Variants in DNAH10 observed in about 807,000 individuals in gnomAD.
The protein encoded by DNAH10 is axonemal beta dynein heavy chain 10.
In DNAH10, 348 loss-of-function variants were observed where a neutral mutation model predicts 506.6. That is an observed-to-expected ratio of 0.69 (90% CI 0.63 to 0.75). DNAH10 has a LOEUF of 0.75. Among genes scored for constraint, DNAH10 ranks in the 30% least tolerant of loss-of-function variants. The pLI, the probability that DNAH10 is intolerant of heterozygous loss-of-function variation, is 0.00. For synonymous variants in DNAH10, 2,059 were observed against 2,198.6 expected (o/e 0.94, Z 1.78); for missense variants, 5,179 against 5,787.1 (o/e 0.89, Z 3.41).
At chr12:123,886,494 C>G (rs973906272) in intron 51 of DNAH10, among the ~76,000 whole-genome samples, 1 of 150,924 alleles carries the variant, frequency 6.6e-6, no homozygotes, top group African/African-American at 2.4e-5. Flanking sequence ...TGTGTGCACA[C>G]GTGTGTGTGT....
chr12:123,861,935 T>C (rs999037596), intron 39 of DNAH10, among the ~76,000 whole-genome samples: 1 of 152,236 alleles, frequency 6.6e-6, no homozygotes, highest in African/African-American at 2.4e-5. Context: ...CATTCTTTAA[T>C]TTTGAGCAGT....
chr12:123,860,333 GC>G (rs777161370), intron 38 of DNAH10, among the ~76,000 whole-genome samples: 44 of 152,350 alleles, frequency 2.9e-4, no homozygotes, highest in Non-Finnish European at 3.5e-4. Flanking sequence ...AGTGGGCTGT[GC>G]CGTGGCCATC....
intron 37 of DNAH10, among the ~76,000 whole-genome samples, chr12:123,857,700 C>A (rs1223628313): frequency 6.6e-6 from 1 of 152,072 alleles, no homozygotes; most frequent in Non-Finnish European, 1.5e-5. Context: ...TGCACTCCAG[C>A]CTGGTGAGAG....
intron 15 of DNAH10, 29 bp from the exon 16 acceptor site, chr12:123,801,252 C>T (rs1210311635): frequency 7.5e-6 from 12 of 1,606,128 alleles, no homozygotes; most frequent in Non-Finnish European, 1.7e-6. Context: ...GTGCTCTCCT[C>T]AGGTTTATGA....
chr12:123,789,994 T>A lies in DNAH10; in HGVS notation c.1688T>A (p.Ile563Asn). The stretch of plus-strand genomic sequence containing the variant: ...GCAGTGACGGGGGACCCCAAGCGCA[T>A]TGATGATGTCCTATGCAGAGTGGAC... ...LKAVTGDPKRIDDVLCRVDGL... is the reference protein window; with the variant it reads ...LKAVTGDPKRNDDVLCRVDGL... Residue 563 changes from isoleucine to asparagine, a missense_variant, in exon 11 of 79, where the codon ATT becomes AAT. Ile to Asn is a moderately radical substitution (Grantham distance 149, BLOSUM62 -3). Coordinates refer to ENST00000673944, the MANE Select transcript of DNAH10 (RefSeq NM_001372106.1). 6.2e-7 allele frequency: 1 copy of A among 1,614,164 alleles called. No homozygotes were observed. Among genetic ancestry groups the A allele is most frequent in the Non-Finnish European group, 8.5e-7 (1 of 1,180,022 alleles).
chr12:123,854,743 A>G (rs777928955), intron 36 of DNAH10, among the ~76,000 whole-genome samples: 4 of 152,220 alleles, frequency 2.6e-5, no homozygotes, highest in Non-Finnish European at 4.4e-5. Context: ...TCTTTATCAC[A>G]TTAAAAGTTT....
intron 1 of DNAH10, among the ~76,000 whole-genome samples, chr12:123,766,808 T>C (rs962505506): frequency 1.3e-5 from 2 of 152,120 alleles, no homozygotes; most frequent in African/African-American, 4.8e-5. Context: ...GGCAATTCCA[T>C]AGAAAAAAGT....
chr12:123,819,700 GTTTTTTTT>G, intron 23 of DNAH10, among the ~76,000 whole-genome samples: 2 of 101,848 alleles, frequency 2.0e-5, no homozygotes, highest in Middle Eastern at 5.9e-3. Context: ...CTAAAATTCT[GTTTTTTTT>G]TTTTTTTTTT....
intron 64 of DNAH10, 31 bp from the exon 65 acceptor site, chr12:123,918,645 T>A: frequency 6.5e-7 from 1 of 1,531,776 alleles, no homozygotes; most frequent in Non-Finnish European, 8.8e-7. Flanking sequence ...TCAGTCTTCC[T>A]GTTTCCAGGG....
At position 123,913,966 on chromosome 12, in the gene DNAH10, T is replaced by A. The variant is rs1317801630; in HGVS notation, c.10353-363T>A. 2.0e-5 allele frequency among the ~76,000 whole-genome samples: 3 copies of A among 152,244 alleles called. No individual in the cohort carries two copies. The highest frequency in any genetic ancestry group is 6.5e-5 in the Admixed American group (1 of 15,282). ...TTCTTTTATCTTGGGTGGAATTCTG[T>A]CATTGAGTGAGGCCAGAACTTGTTA... On this transcript the variant is annotated intron_variant, in intron 60 of 78. Coordinates refer to ENST00000673944, the MANE Select transcript of DNAH10 (RefSeq NM_001372106.1). This position sits in a 1 kb window ranked among gnomAD's most constrained non-coding sequence, Gnocchi z 5.1.
At chr12:123,832,182 A>G (rs1960629089) in intron 26 of DNAH10, among the ~76,000 whole-genome samples, 1 of 152,208 alleles carries the variant, frequency 6.6e-6, no homozygotes, top group South Asian at 2.1e-4. Context: ...TGTACCTAAT[A>G]TACACACGTA....
intron 17 of DNAH10, 108 bp from the exon 18 acceptor site, chr12:123,804,725 A>G: frequency 2.0e-6 from 2 of 995,106 alleles, no homozygotes; most frequent in Non-Finnish European, 1.5e-6. Flanking sequence ...CTGAGGTTGG[A>G]GGCTGGTTTT....
At position 123,850,607 on chromosome 12, in the gene DNAH10, C is replaced by A. The variant is rs1311243633; in HGVS notation, c.6103-281C>A. Among the ~76,000 whole-genome samples the A allele has an allele frequency of 6.6e-6, 1 of 152,214 alleles. No individual in the cohort carries two copies. The highest frequency in any genetic ancestry group is 1.5e-5 in the Non-Finnish European group (1 of 68,036). ...CTGAGGGTCACACAGCTTCTTGTAT[C>A]AGCCCCAGACTCTGTGCTTCGCCAA... On this transcript the variant is annotated intron_variant, in intron 34 of 78. Coordinates refer to ENST00000673944, the MANE Select transcript of DNAH10 (RefSeq NM_001372106.1). This position sits in a 1 kb window ranked among gnomAD's most constrained non-coding sequence, Gnocchi z 5.5.
chr12:123,775,239 G>C (rs1015189277), intron 5 of DNAH10, among the ~76,000 whole-genome samples: 1 of 152,122 alleles, frequency 6.6e-6, no homozygotes, highest in Non-Finnish European at 1.5e-5. Flanking sequence ...CTCCTGAGTG[G>C]CTGGGATTAC....
At chr12:123,821,993 G>A (rs1959460596) in intron 24 of DNAH10, among the ~76,000 whole-genome samples, 3 of 152,152 alleles carry the variant, frequency 2.0e-5, no homozygotes, top group Admixed American at 6.5e-5. Flanking sequence ...ATCACTTGAG[G>A]CCAGGAGTTC....
intron 48 of DNAH10, 106 bp from the exon 49 acceptor site, chr12:123,879,158 G>A (rs986560339): frequency 5.9e-6 from 5 of 844,952 alleles, no homozygotes; most frequent in Non-Finnish European, 8.9e-6. Flanking sequence ...AGAAATGTTG[G>A]GCCTTTATTG....
intron 21 of DNAH10, among the ~76,000 whole-genome samples, chr12:123,816,106 G>A (rs193274616): frequency 2.0e-5 from 3 of 152,228 alleles, no homozygotes; most frequent in Admixed American, 1.3e-4. Flanking sequence ...CTGAGTGATA[G>A]GGGTCACAGG....
Position 123,851,619 on chromosome 12 carries a change from G to C in DNAH10, c.6291+543G>C, listed in dbSNP as rs147786764. ...TGCCCAAACCAGGGAGTTGGTGTTG[G>C]CACAAGTGCCATTAACTCAGGTGTA... On this transcript the variant is annotated intron_variant, in intron 35 of 78. Transcript: ENST00000673944. 3.9e-3 allele frequency among the ~76,000 whole-genome samples: 588 copies of C among 152,348 alleles called. 9 individuals carry two copies. Among genetic ancestry groups the C allele is most frequent in the South Asian group, 0.025 (120 of 4,824 alleles).
chr12:123,773,184 G>A (rs980704109), intron 4 of DNAH10, among the ~76,000 whole-genome samples: 4 of 152,216 alleles, frequency 2.6e-5, no homozygotes, highest in African/African-American at 9.6e-5. Context: ...ATTTGGAGAA[G>A]GTGTGAAGAC....
Sources: allele counts gnomAD v4.1 joint callset (sites outside exome capture counted in the v4.1 genomes callset), GRCh38; gene constraint gnomAD v4.1.1; non-coding constraint Gnocchi (gnomAD v3.1); transcripts MANE v1.5; gene names NCBI Gene and HGNC (gene_info 2026-07-23, HGNC 2026-07-21).